PPM1E: variants seen among roughly 807,000 people sequenced by gnomAD.
PPM1E encodes protein phosphatase 1E.
In PPM1E, 20 loss-of-function variants were observed where a neutral mutation model predicts 65.9. That is an observed-to-expected ratio of 0.30 (90% CI 0.21 to 0.44). The LOEUF is 0.44. Ranked by LOEUF, PPM1E falls within the 20% of genes least tolerant of loss-of-function variation. The pLI is 1.00. For missense variants in PPM1E, 713 were observed against 953.1 expected, an observed-to-expected ratio of 0.75 and a Z score of 3.32; for synonymous variants, 352 against 374.9, an observed-to-expected ratio of 0.94 and a Z score of 0.70.
At chr17:58,821,406 G>A (rs1000427303) in intron 1 of PPM1E, among the ~76,000 whole-genome samples, 1 of 152,168 alleles carries the variant, frequency 6.6e-6, no homozygotes, top group Admixed American at 6.5e-5. Context: ...CACCGCGCCC[G>A]GCCAGCTTTG....
chr17:58,908,111 T>C (rs1042971778), intron 1 of PPM1E, among the ~76,000 whole-genome samples: 8 of 151,978 alleles, frequency 5.3e-5, no homozygotes, highest in African/African-American at 1.9e-4. Flanking sequence ...AGACAGAGTC[T>C]CACTCTGTCA....
chr17:58,911,055 G>A (rs754385206), intron 1 of PPM1E, among the ~76,000 whole-genome samples: 7 of 152,098 alleles, frequency 4.6e-5, no homozygotes, highest in Non-Finnish European at 7.4e-5. Context: ...TTGACTATCA[G>A]ACTTCTACAC....
Position 58,892,583 on chromosome 17 carries a change from A to G in PPM1E, c.465-63066A>G, listed in dbSNP as rs149029037. On this transcript the variant is annotated intron_variant, in intron 1 of 6. Transcript: ENST00000308249. ...GCAAGAGAAACCCTGTCTCAAAAAA[A>G]TAATAATAATAAAATGATAAAATAA... is the stretch of plus-strand genomic sequence containing the variant. 3.1e-4 allele frequency among the ~76,000 whole-genome samples: 47 copies of G among 152,286 alleles called. 1 individual carries two copies. The East Asian group carries it at 8.1e-3, about 26-fold the overall frequency.
intron 1 of PPM1E, among the ~76,000 whole-genome samples, chr17:58,886,547 A>G (rs1214344175): frequency 6.6e-6 from 1 of 152,192 alleles, no homozygotes; most frequent in Non-Finnish European, 1.5e-5. Flanking sequence ...CTCTGCTAGA[A>G]ACAGACTTTA....
chr17:58,884,151 A>G (rs2051239479), intron 1 of PPM1E, among the ~76,000 whole-genome samples: 1 of 152,136 alleles, frequency 6.6e-6, no homozygotes, highest in South Asian at 2.1e-4. Flanking sequence ...TATTAGGGAG[A>G]GATGGTCACC....
intron 1 of PPM1E, among the ~76,000 whole-genome samples, chr17:58,857,768 A>G (rs982076473): frequency 1.3e-5 from 2 of 152,074 alleles, no homozygotes; most frequent in South Asian, 4.1e-4. Flanking sequence ...ATTAGAGATG[A>G]TGTCAGCAGA....
At chr17:58,945,599 G>T (rs1343916219) in intron 1 of PPM1E, among the ~76,000 whole-genome samples, 1 of 152,174 alleles carries the variant, frequency 6.6e-6, no homozygotes, top group Non-Finnish European at 1.5e-5. Flanking sequence ...GCTCAGTCCT[G>T]CAAGATGCCC....
At chr17:58,897,610 G>T (rs2051438915) in intron 1 of PPM1E, among the ~76,000 whole-genome samples, 1 of 152,020 alleles carries the variant, frequency 6.6e-6, no homozygotes, top group Admixed American at 6.6e-5. Context: ...ATTTTATAAG[G>T]TATATTTGCC....
intron 1 of PPM1E, among the ~76,000 whole-genome samples, chr17:58,849,846 C>G (rs2050807766): frequency 6.6e-6 from 1 of 151,984 alleles, no homozygotes; most frequent in Non-Finnish European, 1.5e-5. Context: ...TTGTTAATTT[C>G]CTGTCTTGTT....
At chr17:58,818,342 G>A (rs1194178083) in intron 1 of PPM1E, among the ~76,000 whole-genome samples, 1 of 152,156 alleles carries the variant, frequency 6.6e-6, no homozygotes, top group Non-Finnish European at 1.5e-5. Flanking sequence ...CAAGTAACAA[G>A]TAGTAGATTT....
At chr17:58,848,246 C>G (rs1472097924) in intron 1 of PPM1E, among the ~76,000 whole-genome samples, 1 of 152,100 alleles carries the variant, frequency 6.6e-6, no homozygotes, top group African/African-American at 2.4e-5. Flanking sequence ...TCCTCTTTTC[C>G]TAATTGAATA....
At chr17:58,968,683 G>A (rs758514170) in intron 3 of PPM1E, among the ~76,000 whole-genome samples, 3 of 152,178 alleles carry the variant, frequency 2.0e-5, no homozygotes, top group Non-Finnish European at 4.4e-5. Flanking sequence ...AGTTCAGTGC[G>A]TCACAGATCT....
At chr17:58,935,198 CT>C (rs893438752) in intron 1 of PPM1E, among the ~76,000 whole-genome samples, 10 of 150,296 alleles carry the variant, frequency 6.7e-5, no homozygotes, top group Admixed American at 2.7e-4. Context: ...TTGCAGTGAG[CT>C]GAGATAATGC....
intron 2 of PPM1E, among the ~76,000 whole-genome samples, chr17:58,956,638 A>G (rs1002532499): frequency 6.6e-6 from 1 of 152,076 alleles, no homozygotes; most frequent in African/African-American, 2.4e-5. Context: ...TTTTCCAGAT[A>G]AATTATGAGG....
chr17:58,809,584 A>G (rs995642310), intron 1 of PPM1E, among the ~76,000 whole-genome samples: 1 of 151,970 alleles, frequency 6.6e-6, no homozygotes, highest in Non-Finnish European at 1.5e-5. Flanking sequence ...GGGTCTTACT[A>G]TGTTTCCCAG....
At chr17:58,869,558 G>C (rs1368423306) in intron 1 of PPM1E, among the ~76,000 whole-genome samples, 1 of 152,174 alleles carries the variant, frequency 6.6e-6, no homozygotes, top group East Asian at 1.9e-4. Context: ...TCTGCCATGG[G>C]TGGAAGCAGC....
At chr17:58,833,736 G>A (rs1485548399) in intron 1 of PPM1E, among the ~76,000 whole-genome samples, 1 of 152,062 alleles carries the variant, frequency 6.6e-6, no homozygotes, top group African/African-American at 2.4e-5. Context: ...TTTCTTTTGG[G>A]TATATACCCA....
At chr17:58,770,721 A>G (rs981947507) in intron 1 of PPM1E, among the ~76,000 whole-genome samples, 14 of 152,292 alleles carry the variant, frequency 9.2e-5, no homozygotes, top group Non-Finnish European at 1.9e-4. Flanking sequence ...TTATGTTCTT[A>G]TATAGGTTGA....
chr17:58,981,081 A>C lies in PPM1E; in HGVS notation c.*50A>C. On this transcript the variant is annotated 3_prime_UTR_variant, in exon 7 of 7. Transcript: ENST00000308249. ...GCTCTCCCCCAATAAAAATACCACT[A>C]TCAGAGTAGAAACAAGGTAGACATT... The C allele has an allele frequency of 7.8e-7, 1 of 1,285,826 alleles. No individual in the cohort carries two copies. Among genetic ancestry groups the C allele is most frequent in the Non-Finnish European group, 1.1e-6 (1 of 924,410 alleles). 79.7% of individuals were successfully genotyped at this position (1,285,826 alleles called of 1,614,324 possible).
Sources: gnomAD v4.1 joint callset for allele counts (sites outside exome capture counted in the v4.1 genomes callset) on GRCh38, gnomAD v4.1.1 for gene constraint, MANE v1.5 for transcripts, NCBI Gene and HGNC (gene_info 2026-07-23, HGNC 2026-07-21) for gene names.